The following UFSP2 variants were observed in gnomAD, a reference collection of about 807,000 sequenced individuals.
UFSP2 encodes the protein ufm1-specific protease 2.
Under a neutral mutation model 60.2 loss-of-function variants are expected in UFSP2, and 43 were observed. That is an observed-to-expected ratio of 0.71 (90% CI 0.56 to 0.92). The LOEUF (loss-of-function observed/expected upper bound fraction) is 0.92. Among genes scored for constraint, UFSP2 ranks in the 40% least tolerant of loss-of-function variants. The probability of loss-of-function intolerance (pLI) is 0.00; values close to 1 mark genes in which losing one functional copy is unlikely to be tolerated. For synonymous variants in UFSP2, 183 were observed against 195.1 expected (o/e 0.94, Z 0.52); for missense variants, 520 against 575.0 (o/e 0.90, Z 0.98).
chr4:185,411,883 C>A (rs2095529986), intron 7 of UFSP2, among the ~76,000 whole-genome samples: 1 of 152,084 alleles, frequency 6.6e-6, no homozygotes, highest in South Asian at 2.1e-4. Context: ...CAGAATGATA[C>A]CATATTTATA....
intron 7 of UFSP2, among the ~76,000 whole-genome samples, chr4:185,410,571 C>G (rs1271763761): frequency 6.6e-6 from 1 of 152,020 alleles, no homozygotes; most frequent in African/African-American, 2.4e-5. Context: ...TTGCCTGAAC[C>G]AGGGAGGCAG....
At chr4:185,405,507 G>A (rs565654926) in intron 10 of UFSP2, among the ~76,000 whole-genome samples, 4 of 152,246 alleles carry the variant, frequency 2.6e-5, no homozygotes, top group Admixed American at 1.3e-4. Flanking sequence ...CTGAGTGACC[G>A]TTTCCTCTTT....
intron 4 of UFSP2, among the ~76,000 whole-genome samples, chr4:185,416,302 C>A (rs1397424919): frequency 6.6e-6 from 1 of 152,166 alleles, no homozygotes; most frequent in African/African-American, 2.4e-5. Flanking sequence ...CACTTTTGTA[C>A]TGATTTAAAA....
At chr4:185,414,923 C>T (rs78213743) in intron 6 of UFSP2, among the ~76,000 whole-genome samples, 3,850 of 152,018 alleles carry the variant, frequency 0.025, 77 homozygotes, top group Non-Finnish European at 0.042. Flanking sequence ...TGAACCACAC[C>T]GAGCATTTAA....
At chr4:185,420,479 G>A (rs1329823243) in intron 2 of UFSP2, among the ~76,000 whole-genome samples, 1 of 151,958 alleles carries the variant, frequency 6.6e-6, no homozygotes, top group Non-Finnish European at 1.5e-5. Flanking sequence ...TCAATGACCT[G>A]ATTCTGCTGA....
At chr4:185,408,962 AC>A (rs2095524755) in intron 7 of UFSP2, among the ~76,000 whole-genome samples, 1 of 152,148 alleles carries the variant, frequency 6.6e-6, no homozygotes, top group Admixed American at 6.5e-5. Context: ...GACTTGATAT[AC>A]TTTAAATGAT....
rs184981825 is a variant in UFSP2, at chr4:185,419,382, G to A, written c.83-612C>T. On this transcript the variant is annotated intron_variant, in intron 2 of 11. Coordinates refer to ENST00000264689, the MANE Select transcript of UFSP2 (RefSeq NM_018359.5). ...CCTGACCTCGTGATCCACCCGCCTC[G>A]GCCTCCCAAAGTGCTGGGATTACAG... 6.7e-3 allele frequency among the ~76,000 whole-genome samples: 1,021 copies of A among 152,174 alleles called. 15 individuals carry two copies. Among genetic ancestry groups the A allele is most frequent in the African/African-American group, 0.023 (967 of 41,510 alleles).
intron 10 of UFSP2, 145 bp from the exon 11 acceptor site, chr4:185,403,763 A>C (rs1276738477): frequency 2.1e-6 from 2 of 950,666 alleles, no homozygotes; most frequent in Non-Finnish European, 3.0e-6. Flanking sequence ...TCACGAGGTC[A>C]GGAGATGGAG....
At chr4:185,408,485 C>CATATTCTATATATATTCATAT in intron 7 of UFSP2, 50 bp from the exon 8 acceptor site, 1 of 1,528,454 alleles carries the variant, frequency 6.5e-7, no homozygotes. Context: ...GATAGAAGTA[C>CATATTCTATATATATTCATAT]ATATTCTATA....
intron 7 of UFSP2, among the ~76,000 whole-genome samples, chr4:185,409,081 G>A (rs547919945): frequency 6.6e-6 from 1 of 152,002 alleles, no homozygotes; most frequent in African/African-American, 2.4e-5. Context: ...TCTACAACAC[G>A]CCTGGCACAC....
chr4:185,405,172 G>GTT (rs781007984), intron 10 of UFSP2, among the ~76,000 whole-genome samples: 1 of 139,444 alleles, frequency 7.2e-6, no homozygotes, highest in Non-Finnish European at 1.6e-5. Flanking sequence ...TAATTTGTGT[G>GTT]TTTTTTTTTT....
At chr4:185,406,124 G>T in intron 9 of UFSP2, 1 of 484,182 alleles carries the variant, frequency 2.1e-6, no homozygotes, top group Non-Finnish European at 3.5e-6. Context: ...TATAAAGGAG[G>T]CCTGGGTTTT....
In UFSP2 at chr4:185,404,428, T is replaced by A. The variant is rs1392710877; in HGVS notation, c.1199-810A>T. The stretch of plus-strand genomic sequence containing the variant: ...CTCCTGCCTCAGCCTCCTGAGTAGC[T>A]GAGACTACAGGCGCACACCAGCACA... On this transcript the variant is annotated intron_variant, in intron 10 of 11. Transcript: ENST00000264689. Among the ~76,000 whole-genome samples, 4 of 151,228 alleles carry A rather than the reference T, an allele frequency of 2.6e-5. No individual in the cohort carries two copies. In the East Asian group the frequency reaches 7.8e-4, roughly 29 times the overall value.
intron 9 of UFSP2, 161 bp from the exon 10 acceptor site, chr4:185,406,017 C>G: frequency 6.9e-7 from 1 of 1,458,222 alleles, no homozygotes. Flanking sequence ...AGCAATTAAA[C>G]TGTGCAATTT....
intron 4 of UFSP2, among the ~76,000 whole-genome samples, chr4:185,417,993 G>A (rs190236844): frequency 4.7e-5 from 7 of 150,362 alleles, no homozygotes; most frequent in African/African-American, 1.5e-4. Flanking sequence ...GCAGTGAGCC[G>A]AGATCGTGCC....
At position 185,417,944 on chromosome 4, in the gene UFSP2, C is replaced by T. The variant is rs143651960; in HGVS notation, c.333+497G>A. ...CTGTAATCCCAGCTACTCAGGAGGC[C>T]GAGGCAGGAGAATCACTTGAACCCG... On this transcript the variant is annotated intron_variant, in intron 4 of 11. Transcript: ENST00000264689. Among the ~76,000 whole-genome samples, 1,499 of 151,274 alleles carry T rather than the reference C, an allele frequency of 9.9e-3. 35 individuals carry two copies. The highest frequency in any genetic ancestry group is 0.035 in the African/African-American group (1,431 of 41,118).
At chr4:185,412,975 A>G (rs2095532101) in intron 7 of UFSP2, among the ~76,000 whole-genome samples, 1 of 152,130 alleles carries the variant, frequency 6.6e-6, no homozygotes, top group Non-Finnish European at 1.5e-5. Context: ...AACCGGGTAT[A>G]TGTTACATGG....
At chr4:185,425,779 T>C (rs1418127895) in intron 1 of UFSP2, 87 bp downstream of exon 1, 14 of 1,545,076 alleles carry the variant, frequency 9.1e-6, no homozygotes, top group Non-Finnish European at 1.1e-5. Flanking sequence ...CAGGACCAGC[T>C]CCTTTCAGGC....
At chr4:185,411,893 A>C (rs757360440) in intron 7 of UFSP2, among the ~76,000 whole-genome samples, 19 of 152,362 alleles carry the variant, frequency 1.2e-4, no homozygotes, top group Non-Finnish European at 2.2e-4. Flanking sequence ...CCATATTTAT[A>C]AAACTCAGAA....
Sources: gnomAD v4.1 joint callset for allele counts (sites outside exome capture counted in the v4.1 genomes callset) on GRCh38, gnomAD v4.1.1 for gene constraint, MANE v1.5 for transcripts, NCBI Gene and HGNC (gene_info 2026-07-23, HGNC 2026-07-21) for gene names.